ARSK: variants seen among roughly 807,000 people sequenced by gnomAD.
ARSK encodes the protein arylsulfatase K.
A neutral mutation model predicts 53.2 loss-of-function variants in ARSK; 37 were observed. The ratio of observed to expected loss-of-function variants is 0.70; its 90% CI spans 0.54 to 0.92. The LOEUF is 0.92. Ranked by LOEUF, ARSK falls within the 40% of genes least tolerant of loss-of-function variation. The probability of loss-of-function intolerance (pLI) is 0.00; values close to 1 mark genes in which losing one functional copy is unlikely to be tolerated. For missense variants in ARSK, 613 were observed against 643.0 expected (o/e 0.95, Z 0.51); for synonymous variants, 208 against 223.2 (o/e 0.93, Z 0.61).
chr5:95,560,556 T>C (rs188386265), intron 1 of ARSK, among the ~76,000 whole-genome samples: 1 of 152,158 alleles, frequency 6.6e-6, no homozygotes, highest in Admixed American at 6.5e-5. Context: ...TTATAGTAAA[T>C]TGATTTTTTA....
intron 3 of ARSK, among the ~76,000 whole-genome samples, chr5:95,568,619 G>T (rs1748771335): frequency 6.6e-6 from 1 of 152,100 alleles, no homozygotes. Context: ...TTTGCTGTGA[G>T]GATTAAATGT....
At chr5:95,590,150 G>A (rs1749187637) in intron 5 of ARSK, among the ~76,000 whole-genome samples, 1 of 152,218 alleles carries the variant, frequency 6.6e-6, no homozygotes, top group African/African-American at 2.4e-5. Flanking sequence ...GCAGGGAATG[G>A]TGCTTTGCTA....
intron 2 of ARSK, 121 bp from the exon 3 acceptor site, chr5:95,567,769 G>T (rs1748750193): frequency 7.9e-6 from 7 of 884,706 alleles, no homozygotes; most frequent in Non-Finnish European, 1.2e-5. Context: ...ACCTAATCTG[G>T]GTACGTCTTA....
chr5:95,587,959 A>G (rs1323683969), intron 5 of ARSK, among the ~76,000 whole-genome samples: 3 of 152,134 alleles, frequency 2.0e-5, no homozygotes, highest in Admixed American at 6.6e-5. Context: ...CCAAGTACTC[A>G]ATGCAAATAA....
chr5:95,586,616 C>G lies in ARSK; in HGVS notation c.754C>G (p.Pro252Ala). 6.2e-7 allele frequency: 1 copy of G among 1,611,842 alleles called. No homozygotes were observed. The highest frequency in any genetic ancestry group is 8.5e-7 in the Non-Finnish European group (1 of 1,179,058). Residue 252 changes from proline (P) to alanine (A), a missense_variant, in exon 5 of 8, where the codon CCT (proline) becomes GCT (alanine). Transcript: ENST00000380009. ...PKWSPLSEMH[P>A]VDYYSSYTKN... ...GTGGTCACCTTTGTCAGAAATGCAC[C>G]CTGTAGATTATTACTCTTCTTATAC...
chr5:95,583,802 T>C (rs1580225248), intron 4 of ARSK, among the ~76,000 whole-genome samples: 1 of 152,150 alleles, frequency 6.6e-6, no homozygotes, highest in South Asian at 2.1e-4. Context: ...CTTGGCAAAT[T>C]GTCATTATTT....
chr5:95,603,255 A>G lies in ARSK; in HGVS notation c.1340A>G (p.Asp447Gly), dbSNP rs776138979. 3 of 1,579,842 alleles carry G rather than the reference A, an allele frequency of 1.9e-6. No homozygotes were observed. In the East Asian group the frequency reaches 6.8e-5, roughly 36 times the overall value. Reference sequence around the variant, plus strand: ...CTTTCAGATCTTTCCTCGGATCCAGATGAATTAACAAATGTTGCTGTAAAA... The same window carrying G: ...CTTTCAGATCTTTCCTCGGATCCAGGTGAATTAACAAATGTTGCTGTAAAA... ...PQLFDLSSDP[D>G]ELTNVAVKFP... The change falls in exon 8 of 8, where the codon GAT becomes GGT. Residue 447 changes from aspartate to glycine, a missense_variant. By Grantham distance (94) the Asp-to-Gly change is moderately conservative. Coordinates refer to ENST00000380009, the MANE Select transcript of ARSK (RefSeq NM_198150.3).
At chr5:95,572,804 G>A (rs1445601380) in intron 3 of ARSK, among the ~76,000 whole-genome samples, 1 of 152,050 alleles carries the variant, frequency 6.6e-6, no homozygotes, top group African/African-American at 2.4e-5. Flanking sequence ...ATTTGTATTT[G>A]CCTTCAGGTA....
Position 95,591,519 on chromosome 5 carries a change from C to T in ARSK, c.990C>T (p.Tyr330=), listed in dbSNP as rs776613750. The change falls in exon 6 of 8, where the codon TAC becomes TAT. Residue 330 remains tyrosine (Y), a synonymous_variant. Transcript: ENST00000380009. ...EHRQFYKMSM[Y]EASAHVPLLM... ...GACAGTTTTATAAAATGAGCATGTA[C>T]GAGGCTAGTGCACATGTTCCGCTTT... 6.8e-6 allele frequency: 11 copies of T among 1,614,102 alleles called. No homozygotes were observed. The highest frequency in any genetic ancestry group is 6.6e-5 in the South Asian group (6 of 91,084).
At chr5:95,582,236 T>C (rs182860736) in intron 3 of ARSK, among the ~76,000 whole-genome samples, 7 of 152,172 alleles carry the variant, frequency 4.6e-5, no homozygotes, top group East Asian at 1.9e-4. Flanking sequence ...AAGAGCTTGA[T>C]TGAGAAAAAT....
At chr5:95,596,578 G>GA (rs34060064) in intron 6 of ARSK, among the ~76,000 whole-genome samples, 4 of 152,020 alleles carry the variant, frequency 2.6e-5, no homozygotes, top group Admixed American at 1.3e-4. Context: ...CTGTTAAACA[G>GA]AAAAAAACAC....
chr5:95,590,333 G>A (rs143053209), intron 5 of ARSK, among the ~76,000 whole-genome samples: 214 of 152,242 alleles, frequency 1.4e-3, no homozygotes, highest in African/African-American at 5.0e-3. Flanking sequence ...TTGTTGAAAC[G>A]TAAAGGTCTA....
Position 95,586,630 on chromosome 5 carries a change from C to T in ARSK, c.768C>T (p.Tyr256=). 2 of 1,611,796 alleles carry T rather than the reference C, an allele frequency of 1.2e-6. No individual in the cohort carries two copies. Among genetic ancestry groups the T allele is most frequent in the Non-Finnish European group, 1.7e-6 (2 of 1,178,672 alleles). The change falls in exon 5 of 8, where the codon TAC becomes TAT. Residue 256 remains tyrosine, a synonymous_variant. Transcript: ENST00000380009. ...PLSEMHPVDY[Y]SSYTKNCTGR... Reference sequence around the variant, plus strand: ...CAGAAATGCACCCTGTAGATTATTACTCTTCTTATACAAAAAACTGCACTG... The same window carrying T: ...CAGAAATGCACCCTGTAGATTATTATTCTTCTTATACAAAAAACTGCACTG...
chr5:95,555,387 G>A lies in ARSK; in HGVS notation c.109G>A (p.Val37Ile), dbSNP rs1214939182. ...AGCCAAAGCGCCCAATGTGGTGCTG[G>A]TCGTGAGCGACTCCTTCGTAAGTAC... ...RAAKAPNVVL[V>I]VSDSFDGRLT... is the part of the protein sequence containing the mutation. The change falls in exon 1 of 8, where the codon GTC (valine) becomes ATC (isoleucine). Residue 37 changes from valine to isoleucine, a missense_variant. Physicochemically the swap from Val to Ile is conservative, Grantham distance 29. Transcript: ENST00000380009. This position sits in a 1 kb window ranked among gnomAD's most constrained non-coding sequence, Gnocchi z 4.0. The A allele has an allele frequency of 6.2e-7, 1 of 1,607,862 alleles. No individual in the cohort carries two copies. Among genetic ancestry groups the A allele is most frequent in the South Asian group, 1.1e-5 (1 of 90,626 alleles).
At position 95,567,871 on chromosome 5, in the gene ARSK, C is replaced by CTT. The variant is rs77108784; in HGVS notation, c.257-7_257-6dup. 809 of 1,263,108 alleles carry CTT rather than the reference C, an allele frequency of 6.4e-4. No homozygotes were observed. The highest frequency in any genetic ancestry group is 2.3e-3 in the South Asian group (158 of 68,728). The allele number at this position is 1,263,108 out of a possible 1,614,324, so 78.2% of individuals were successfully genotyped here. A position where few individuals can be genotyped will look rare whatever the true frequency, so the allele number is the denominator to read the frequency against. ...TTAAGCTTTACCTTAATCCCAATTCCTTTTTTTTTTTTTCTCAGCAATGTG... is the reference window on the plus strand; with the variant it reads ...TTAAGCTTTACCTTAATCCCAATTCCTTTTTTTTTTTTTTTCTCAGCAATGTG... On this transcript the variant is annotated intron_variant, in intron 2 of 7. Transcript: ENST00000380009.
chr5:95,562,799 CTTAA>C (rs1453610030), intron 1 of ARSK, among the ~76,000 whole-genome samples: 7 of 152,172 alleles, frequency 4.6e-5, no homozygotes, highest in Non-Finnish European at 7.4e-5. Flanking sequence ...TTTTAGAGTG[CTTAA>C]TTTGTTTGAA....
intron 1 of ARSK, among the ~76,000 whole-genome samples, chr5:95,565,275 G>T (rs555697271): frequency 3.9e-5 from 6 of 152,064 alleles, no homozygotes; most frequent in South Asian, 2.1e-4. Context: ...TAGAAACAGG[G>T]TCTCCCTGTG....
intron 6 of ARSK, among the ~76,000 whole-genome samples, chr5:95,592,327 CAA>C (rs1749232184): frequency 6.6e-6 from 1 of 152,080 alleles, no homozygotes; most frequent in Non-Finnish European, 1.5e-5. Context: ...AAAAATAGCA[CAA>C]GTTATGTTCT....
At chr5:95,603,122 T>G in intron 7 of ARSK, 115 bp from the exon 8 acceptor site, 1 of 806,536 alleles carries the variant, frequency 1.2e-6, no homozygotes, top group Non-Finnish European at 1.9e-6. Flanking sequence ...TTTACTACAC[T>G]AACAGGAACT....
Sources: gnomAD v4.1 joint callset for allele counts (sites outside exome capture counted in the v4.1 genomes callset) on GRCh38, gnomAD v4.1.1 for gene constraint, Gnocchi (gnomAD v3.1) non-coding constraint, MANE v1.5 for transcripts, NCBI Gene and HGNC (gene_info 2026-07-23, HGNC 2026-07-21) for gene names.